SLCO1A2: variants seen among roughly 807,000 people sequenced by gnomAD.
The protein encoded by SLCO1A2 is OATP-1.
In SLCO1A2, 67 loss-of-function variants were observed where a neutral mutation model predicts 69.0. That is an observed-to-expected ratio of 0.97 (90% CI 0.80 to 1.19). SLCO1A2 has a LOEUF of 1.19. Among genes scored for constraint, SLCO1A2 ranks in the 50% most tolerant of loss-of-function variants. The pLI, the probability that SLCO1A2 is intolerant of heterozygous loss-of-function variation, is 0.00. For missense variants in SLCO1A2, 787 were observed against 793.7 expected (o/e 0.99, Z 0.10); for synonymous variants, 260 against 265.9 (o/e 0.98, Z 0.22).
intron 2 of SLCO1A2, chr12:21,319,380 A>C: frequency 7.3e-7 from 1 of 1,367,328 alleles, no homozygotes; most frequent in Non-Finnish European, 9.8e-7. Context: ...ACCTTGGCCG[A>C]CTCCACTCTT....
At chr12:21,406,490 C>T (rs1158196491) in intron 1 of SLCO1A2, among the ~76,000 whole-genome samples, 2 of 152,152 alleles carry the variant, frequency 1.3e-5, no homozygotes, top group Non-Finnish European at 2.9e-5. Flanking sequence ...TTTCATTTCT[C>T]TTGAGAAGCT....
intron 3 of SLCO1A2, among the ~76,000 whole-genome samples, chr12:21,315,065 A>G (rs527863048): frequency 2.6e-5 from 4 of 152,310 alleles, no homozygotes; most frequent in Non-Finnish European, 4.4e-5. Context: ...CCTCTCTCTC[A>G]ATGCCTACTC....
intron 2 of SLCO1A2, among the ~76,000 whole-genome samples, chr12:21,364,012 A>G (rs1939161708): frequency 1.3e-5 from 2 of 152,348 alleles, no homozygotes; most frequent in East Asian, 1.9e-4. Flanking sequence ...ATTCCAATCA[A>G]TAGAAAAAGA....
intron 11 of SLCO1A2, among the ~76,000 whole-genome samples, chr12:21,293,116 A>G (rs1947151134): frequency 6.6e-6 from 1 of 152,290 alleles, no homozygotes; most frequent in East Asian, 1.9e-4. Context: ...CAGCCTGACC[A>G]ACATGGTGAA....
intron 12 of SLCO1A2, among the ~76,000 whole-genome samples, chr12:21,277,283 C>A (rs553348493): frequency 6.9e-6 from 1 of 144,134 alleles, no homozygotes; most frequent in African/African-American, 2.6e-5. Flanking sequence ...CATTTCTAGA[C>A]ATACCCTGGA....
intron 1 of SLCO1A2, among the ~76,000 whole-genome samples, chr12:21,417,694 C>T (rs138512302): frequency 1.6e-3 from 237 of 151,888 alleles, no homozygotes; most frequent in African/African-American, 5.2e-3. Context: ...CTAATAGACT[C>T]GATGACAAAA....
intron 14 of SLCO1A2, among the ~76,000 whole-genome samples, chr12:21,272,355 T>A (rs1464403731): frequency 6.6e-6 from 1 of 151,922 alleles, no homozygotes; most frequent in African/African-American, 2.4e-5. Flanking sequence ...TTTGTCTGTA[T>A]TTAATATTCA....
chr12:21,400,679 A>G (rs1485312675), intron 1 of SLCO1A2, among the ~76,000 whole-genome samples: 1 of 148,566 alleles, frequency 6.7e-6, no homozygotes, highest in Non-Finnish European at 1.5e-5. Context: ...CATATACACC[A>G]TGGAATACTA....
intron 1 of SLCO1A2, among the ~76,000 whole-genome samples, chr12:21,394,414 G>T (rs1399599530): frequency 6.9e-6 from 1 of 145,732 alleles, no homozygotes; most frequent in Non-Finnish European, 1.5e-5. Flanking sequence ...GGTAGTGCAT[G>T]CCTGTAGTCC....
At chr12:21,347,697 G>GAAGGAAGGAAGGAAGGAAGGAAGA (rs1239524287) in intron 2 of SLCO1A2, among the ~76,000 whole-genome samples, 73 of 117,782 alleles carry the variant, frequency 6.2e-4, no homozygotes, top group African/African-American at 2.7e-3. Context: ...AGGAAGGAAG[G>GAAGGAAGGAAGGAAGGAAGGAAGA]AAGAAGGAAA....
chr12:21,373,746 T>A lies in SLCO1A2; in HGVS notation c.-63+653A>T, dbSNP rs1210556291. 3 of 700,524 alleles carry A rather than the reference T, an allele frequency of 4.3e-6. No homozygotes were observed. In the South Asian group the frequency reaches 4.5e-5, roughly 10 times the overall value. 43.4% of individuals were successfully genotyped at this position (700,524 alleles called of 1,614,324 possible). The stretch of plus-strand genomic sequence containing the variant: ...AAAAAATCAAAAGGTAGTAATTTCT[T>A]CTATATTAACCTGATACTGAAACAA... On this transcript the variant is annotated intron_variant, in intron 2 of 15. Coordinates refer to the SLCO1A2 transcript ENST00000307378.
At chr12:21,362,193 C>T (rs1046436985) in intron 2 of SLCO1A2, among the ~76,000 whole-genome samples, 22 of 152,158 alleles carry the variant, frequency 1.4e-4, no homozygotes, top group Admixed American at 5.9e-4. Context: ...TAACAGTGAG[C>T]GGGTCTCTCG....
intron 1 of SLCO1A2, among the ~76,000 whole-genome samples, chr12:21,416,935 G>A (rs1289252996): frequency 2.0e-5 from 3 of 152,070 alleles, no homozygotes; most frequent in Non-Finnish European, 2.9e-5. Context: ...AAATTTCCAA[G>A]GAAAAATCAA....
chr12:21,361,156 T>A (rs1938835113), intron 2 of SLCO1A2, among the ~76,000 whole-genome samples: 1 of 134,098 alleles, frequency 7.5e-6, no homozygotes, highest in South Asian at 2.5e-4. Flanking sequence ...GACAGACACC[T>A]CATACGGGGG....
At chr12:21,305,798 CTG>C (rs3838822) in intron 5 of SLCO1A2, among the ~76,000 whole-genome samples, 8,415 of 152,312 alleles carry the variant, frequency 0.055, 605 homozygotes, top group East Asian at 0.35. Flanking sequence ...ATTTTTGAAA[CTG>C]TTTTGGTTTC....
intron 2 of SLCO1A2, among the ~76,000 whole-genome samples, chr12:21,320,745 C>T (rs141643235): frequency 6.6e-6 from 1 of 152,114 alleles, no homozygotes; most frequent in African/African-American, 2.4e-5. Context: ...GTGATCCGCC[C>T]ACCTTGGCCT....
At chr12:21,301,332 T>A in intron 6 of SLCO1A2, 63 bp from the exon 7 acceptor site, 1 of 1,081,696 alleles carries the variant, frequency 9.2e-7, no homozygotes, top group Non-Finnish European at 1.3e-6. Flanking sequence ...GAGTTCTAGG[T>A]CTATGAAAAG....
chr12:21,307,747 T>C (rs997725958), intron 4 of SLCO1A2, among the ~76,000 whole-genome samples: 1 of 152,126 alleles, frequency 6.6e-6, no homozygotes, highest in African/African-American at 2.4e-5. Flanking sequence ...GATTGTTTTC[T>C]GTATTTCTAT....
At chr12:21,384,819 G>GC (rs1940789585) in intron 1 of SLCO1A2, among the ~76,000 whole-genome samples, 1 of 149,590 alleles carries the variant, frequency 6.7e-6, no homozygotes, top group Non-Finnish European at 1.5e-5. Context: ...AGGCTGGAGA[G>GC]CGGTGGCGCG....
Sources: gnomAD v4.1 joint callset for allele counts (sites outside exome capture counted in the v4.1 genomes callset) on GRCh38, gnomAD v4.1.1 for gene constraint, MANE v1.5 for transcripts, NCBI Gene and HGNC (gene_info 2026-07-23, HGNC 2026-07-21) for gene names.